ST6GALNAC3: variants seen among roughly 807,000 people sequenced by gnomAD.
ST6GALNAC3 encodes the protein alpha-N-acetylgalactosaminide alpha-2,6-sialyltransferase 3.
Under a neutral mutation model 32.7 loss-of-function variants are expected in ST6GALNAC3, and 25 were observed. The ratio of observed to expected loss-of-function variants is 0.76; its 90% CI spans 0.56 to 1.07. ST6GALNAC3 has a LOEUF of 1.07. Among genes scored for constraint, ST6GALNAC3 ranks in the 50% least tolerant of loss-of-function variants. The pLI is 0.00. For missense variants in ST6GALNAC3, 355 were observed against 382.4 expected (o/e 0.93, Z 0.60); for synonymous variants, 129 against 133.1 (o/e 0.97, Z 0.21).
chr1:76,463,453 G>T (rs767834397), intron 3 of ST6GALNAC3, among the ~76,000 whole-genome samples: 3 of 152,038 alleles, frequency 2.0e-5, no homozygotes, highest in Non-Finnish European at 4.4e-5. Context: ...GTCTATTTTC[G>T]TATTTCTCTA....
chr1:76,085,798 A>G (rs1344017646), intron 1 of ST6GALNAC3, among the ~76,000 whole-genome samples: 3 of 152,262 alleles, frequency 2.0e-5, no homozygotes, highest in South Asian at 2.1e-4. Context: ...TTGTTGAGTT[A>G]TGGAAATTGC....
rs567194336 is a variant in ST6GALNAC3 at position 76,397,394 on chromosome 1, G to A, written c.214-14614G>A. The stretch of plus-strand genomic sequence containing the variant: ...CTTTTTTTTTTTTTTTTTCTGAGAT[G>A]GAGTTTCACACTTGTTGCCCAGGCT... On this transcript the variant is annotated intron_variant, in intron 2 of 4. Coordinates refer to ENST00000328299, the MANE Select transcript of ST6GALNAC3 (RefSeq NM_152996.4). Among the ~76,000 whole-genome samples, 334 of 116,208 alleles carry A rather than the reference G, an allele frequency of 2.9e-3. 4 individuals carry two copies. Among genetic ancestry groups the A allele is most frequent in the African/African-American group, 0.011 (317 of 29,970 alleles). The allele number at this position is 116,208 out of a possible 152,430, so 76.2% of individuals were successfully genotyped here.
intron 3 of ST6GALNAC3, among the ~76,000 whole-genome samples, chr1:76,548,131 CAT>C (rs1272721350): frequency 6.6e-6 from 1 of 152,168 alleles, no homozygotes; most frequent in Non-Finnish European, 1.5e-5. Context: ...ACCTTTGAAA[CAT>C]ACTGCTCCTC....
chr1:76,224,133 C>T (rs1365880900), intron 1 of ST6GALNAC3, among the ~76,000 whole-genome samples: 1 of 152,164 alleles, frequency 6.6e-6, no homozygotes. Context: ...ACCTGATGAT[C>T]ATTCTACTTA....
chr1:76,419,625 T>C (rs1032012139), intron 3 of ST6GALNAC3, among the ~76,000 whole-genome samples: 1 of 152,128 alleles, frequency 6.6e-6, no homozygotes, highest in East Asian at 1.9e-4. Context: ...TTAAAACATA[T>C]GAGCCAGCAG....
intron 1 of ST6GALNAC3, among the ~76,000 whole-genome samples, chr1:76,166,755 T>A (rs1008524976): frequency 2.0e-5 from 3 of 152,154 alleles, no homozygotes; most frequent in African/African-American, 7.2e-5. Context: ...TTTTATTATT[T>A]TTATGGCAAT....
At chr1:76,439,015 T>C (rs905650887) in intron 3 of ST6GALNAC3, among the ~76,000 whole-genome samples, 6 of 152,242 alleles carry the variant, frequency 3.9e-5, no homozygotes, top group Non-Finnish European at 7.3e-5. Context: ...AGTGATGTTA[T>C]GATGAGTTAA....
At chr1:76,137,627 T>G (rs897718003) in intron 1 of ST6GALNAC3, among the ~76,000 whole-genome samples, 2 of 152,254 alleles carry the variant, frequency 1.3e-5, no homozygotes, top group East Asian at 3.8e-4. Flanking sequence ...ATGTGTATTC[T>G]TCAGTCTATG....
At chr1:76,328,613 G>A (rs1244742188) in intron 2 of ST6GALNAC3, among the ~76,000 whole-genome samples, 3 of 152,124 alleles carry the variant, frequency 2.0e-5, no homozygotes, top group African/African-American at 7.2e-5. Flanking sequence ...TTAACCTTGT[G>A]CTCTTGAAAT....
intron 1 of ST6GALNAC3, among the ~76,000 whole-genome samples, chr1:76,256,112 T>C (rs1328938044): frequency 6.6e-6 from 1 of 151,816 alleles, no homozygotes; most frequent in East Asian, 1.9e-4. Flanking sequence ...AGTTTTAAAA[T>C]AAAAATTAAA....
rs149713407 is a variant in ST6GALNAC3, at chr1:76,620,321, C to G, written c.624-7131C>G. On this transcript the variant is annotated intron_variant, in intron 3 of 4. Coordinates refer to ENST00000328299, the MANE Select transcript of ST6GALNAC3 (RefSeq NM_152996.4). ...AATAAATGAGCCCATGTGACTAGAC[C>G]AAAGAGTTTAAGAAAAGAAGTCCTG... 2.2e-3 allele frequency among the ~76,000 whole-genome samples: 335 copies of G among 152,080 alleles called. 1 individual carries two copies. Among genetic ancestry groups the G allele is most frequent in the African/African-American group, 7.2e-3 (300 of 41,516 alleles).
chr1:76,375,654 A>G (rs1651164999), intron 2 of ST6GALNAC3, among the ~76,000 whole-genome samples: 1 of 152,236 alleles, frequency 6.6e-6, no homozygotes, highest in Admixed American at 6.5e-5. Flanking sequence ...TTAGAAAAAA[A>G]GTCAATTTCA....
chr1:76,418,182 T>C (rs1350841758), intron 3 of ST6GALNAC3, among the ~76,000 whole-genome samples: 3 of 152,120 alleles, frequency 2.0e-5, no homozygotes, highest in Non-Finnish European at 1.5e-5. Context: ...AGCTTGGCCA[T>C]TTTGAAAGTT....
chr1:76,164,127 C>T (rs1395202619), intron 1 of ST6GALNAC3, among the ~76,000 whole-genome samples: 2 of 152,176 alleles, frequency 1.3e-5, no homozygotes, highest in Non-Finnish European at 2.9e-5. Context: ...TAGTGTGTAG[C>T]TTATATCTAT....
rs148825226 is a variant in ST6GALNAC3, at chr1:76,444,168, C to T, written c.623+31751C>T. ...CTCTCCCAGTGAGAAAACTGATAGC[C>T]GCTGGCATGGCAGGCGGTCTTCCAC... is the stretch of plus-strand genomic sequence containing the variant. On this transcript the variant is annotated intron_variant, in intron 3 of 4. Transcript: ENST00000328299. 7.1e-4 allele frequency among the ~76,000 whole-genome samples: 108 copies of T among 152,314 alleles called. 1 individual carries two copies. In the East Asian group the frequency reaches 0.014, roughly 20 times the overall value.
At chr1:76,275,557 G>T (rs1240024171) in intron 1 of ST6GALNAC3, among the ~76,000 whole-genome samples, 1 of 152,050 alleles carries the variant, frequency 6.6e-6, no homozygotes, top group Non-Finnish European at 1.5e-5. Flanking sequence ...TCCATCCTAA[G>T]GTCTTCCCTC....
chr1:76,503,005 C>T (rs969140974), intron 3 of ST6GALNAC3, among the ~76,000 whole-genome samples: 9 of 152,082 alleles, frequency 5.9e-5, no homozygotes, highest in African/African-American at 2.2e-4. Context: ...CATTTTAATT[C>T]GTATCTCAGT....
intron 2 of ST6GALNAC3, among the ~76,000 whole-genome samples, chr1:76,365,746 A>C (rs1340371492): frequency 6.6e-6 from 1 of 152,176 alleles, no homozygotes; most frequent in Non-Finnish European, 1.5e-5. Context: ...ATGGCCTTTC[A>C]ATTTTTCAAC....
chr1:76,396,772 G>C (rs1040732747), intron 2 of ST6GALNAC3, among the ~76,000 whole-genome samples: 1 of 152,166 alleles, frequency 6.6e-6, no homozygotes, highest in Non-Finnish European at 1.5e-5. Context: ...TACTAAGAAA[G>C]TTCCGTAAGT....
Sources: gnomAD v4.1 joint callset for allele counts (sites outside exome capture counted in the v4.1 genomes callset) on GRCh38, gnomAD v4.1.1 for gene constraint, MANE v1.5 for transcripts, NCBI Gene and HGNC (gene_info 2026-07-23, HGNC 2026-07-21) for gene names.